HAVCR2: variants seen among roughly 807,000 people sequenced by gnomAD.
HAVCR2 encodes the protein T cell immunoglobulin mucin 3.
In HAVCR2, 13 loss-of-function variants were observed where a neutral mutation model predicts 24.7. The observed-to-expected ratio is 0.53, with a 90% CI of 0.34 to 0.84. HAVCR2 has a LOEUF of 0.84. HAVCR2 is among the 40% of genes least tolerant of loss of function. HAVCR2 has a pLI of 0.01. For synonymous variants in HAVCR2, 154 were observed against 143.4 expected (o/e 1.07, Z -0.53); for missense variants, 343 against 371.2 (o/e 0.92, Z 0.62).
chr5:157,104,788 G>A, intron 2 of HAVCR2, 39 bp from the exon 3 acceptor site: 1 of 1,410,952 alleles, frequency 7.1e-7, no homozygotes, highest in Non-Finnish European at 9.8e-7. Flanking sequence ...AATTATCTGA[G>A]AGCAGAAAGC....
At chr5:157,088,724 A>G (rs1211079347) in intron 6 of HAVCR2, among the ~76,000 whole-genome samples, 1 of 152,238 alleles carries the variant, frequency 6.6e-6, no homozygotes, top group Non-Finnish European at 1.5e-5. Context: ...GATAAATTCT[A>G]TACCTTAACT....
chr5:157,090,059 A>G (rs1334083317), intron 5 of HAVCR2, among the ~76,000 whole-genome samples: 1 of 150,992 alleles, frequency 6.6e-6, no homozygotes, highest in Non-Finnish European at 1.5e-5. Context: ...AGGTCTTTCA[A>G]GGTGTCTTCT....
intron 6 of HAVCR2, among the ~76,000 whole-genome samples, chr5:157,088,517 T>C (rs1368453895): frequency 6.6e-6 from 1 of 151,914 alleles, no homozygotes; most frequent in Non-Finnish European, 1.5e-5. Flanking sequence ...TGGGTGATTC[T>C]AATAGGAAAC....
rs1029209368 is a variant in HAVCR2 at position 157,094,320 on chromosome 5, C to G, written c.676+986G>C. On this transcript the variant is annotated intron_variant, in intron 5 of 6. Coordinates refer to ENST00000307851, the MANE Select transcript of HAVCR2 (RefSeq NM_032782.5). ...TCAGCTTCCGAAAGTGTTGAAAATA[C>G]AGGCATGAGCCACTGCACCTGGCCA... is the stretch of plus-strand genomic sequence containing the variant. Among the ~76,000 whole-genome samples, 7 of 152,162 alleles carry G rather than the reference C, an allele frequency of 4.6e-5. No homozygotes were observed. In the East Asian group the frequency reaches 1.4e-3, roughly 29 times the overall value.
intron 3 of HAVCR2, among the ~76,000 whole-genome samples, chr5:157,101,736 G>T (rs897769508): frequency 1.3e-5 from 2 of 150,990 alleles, no homozygotes; most frequent in African/African-American, 4.9e-5. Flanking sequence ...CAAATTCCAG[G>T]CCCTTGGATC....
chr5:157,103,086 G>A (rs950508399), intron 3 of HAVCR2, among the ~76,000 whole-genome samples: 1 of 152,074 alleles, frequency 6.6e-6, no homozygotes, highest in Non-Finnish European at 1.5e-5. Flanking sequence ...AGTACTGGCC[G>A]GGCGCGGTGG....
intron 1 of HAVCR2, chr5:157,107,447 C>T (rs1414525439): frequency 6.5e-6 from 1 of 154,956 alleles, no homozygotes; most frequent in Non-Finnish European, 1.4e-5. Context: ...ACATACTTCT[C>T]TTTTTAAGCA....
chr5:157,098,691 C>A (rs1009120006), intron 4 of HAVCR2, among the ~76,000 whole-genome samples, 167 bp downstream of exon 4: 1 of 152,132 alleles, frequency 6.6e-6, no homozygotes, highest in Non-Finnish European at 1.5e-5. Context: ...TTACAGCAGG[C>A]CTATGAGGTT....
At chr5:157,108,190 T>C (rs1757279782) in intron 1 of HAVCR2, among the ~76,000 whole-genome samples, 1 of 152,022 alleles carries the variant, frequency 6.6e-6, no homozygotes, top group Non-Finnish European at 1.5e-5. Flanking sequence ...CAAAGGTGTA[T>C]GAAAAAGTGG....
At position 157,106,871 on chromosome 5, in the gene HAVCR2, G is replaced by A. The variant is rs548286366; in HGVS notation, c.150C>T (p.Pro50=). ...GACAGGCTCCTTTGCCCCAGCAGAC[G>A]GGCACGAGGTTCCCTGGGGCGGCTG... ...YTPAAPGNLV[P]VCWGKGACPV... The change falls in exon 2 of 7, where the codon CCC becomes CCT. Residue 50 remains proline, a synonymous_variant. Coordinates refer to ENST00000307851, the MANE Select transcript of HAVCR2 (RefSeq NM_032782.5). 3.8e-5 allele frequency: 62 copies of A among 1,614,140 alleles called. No homozygotes were observed. In the East Asian group the frequency reaches 6.9e-4, roughly 18 times the overall value.
intron 5 of HAVCR2, among the ~76,000 whole-genome samples, chr5:157,090,646 G>A (rs1487939268): frequency 6.6e-6 from 1 of 152,072 alleles, no homozygotes; most frequent in Non-Finnish European, 1.5e-5. Context: ...GCCTCCCGAA[G>A]TGTTAGGATT....
intron 5 of HAVCR2, among the ~76,000 whole-genome samples, chr5:157,089,358 G>A (rs1332265457): frequency 6.6e-6 from 1 of 152,032 alleles, no homozygotes; most frequent in African/African-American, 2.4e-5. Flanking sequence ...CCAACATGGA[G>A]AAACCCCGTC....
At chr5:157,099,537 C>T (rs959214909) in intron 3 of HAVCR2, among the ~76,000 whole-genome samples, 6 of 152,056 alleles carry the variant, frequency 3.9e-5, no homozygotes, top group Admixed American at 6.6e-5. Flanking sequence ...CAGGTGTGAA[C>T]GACCAGGCTT....
chr5:157,094,751 T>C (rs1481076421), intron 5 of HAVCR2, among the ~76,000 whole-genome samples: 2 of 151,292 alleles, frequency 1.3e-5, no homozygotes, highest in Admixed American at 6.6e-5. Context: ...GAAAAAGCTA[T>C]GTGCTAAGTA....
At chr5:157,096,516 C>A in intron 4 of HAVCR2, among the ~76,000 whole-genome samples, 1 of 152,068 alleles carries the variant, frequency 6.6e-6, no homozygotes, top group East Asian at 1.9e-4. Context: ...CGGTGGCTCA[C>A]GCCTGTAGTC....
rs558441888 is a variant in HAVCR2, at chr5:157,095,179, A to G, written c.676+127T>C. The stretch of plus-strand genomic sequence containing the variant: ...ATTAGCCATTATTGTTAGGATTTGG[A>G]TGGACAAAAGGGTATTTAGTCTAAT... On this transcript the variant is annotated intron_variant, in intron 5 of 6. Coordinates refer to ENST00000307851, the MANE Select transcript of HAVCR2 (RefSeq NM_032782.5). 41 of 969,918 alleles carry G rather than the reference A, an allele frequency of 4.2e-5. No homozygotes were observed. In the South Asian group the frequency reaches 6.5e-4, roughly 15 times the overall value. 60.1% of individuals were successfully genotyped at this position (969,918 alleles called of 1,614,324 possible).
intron 3 of HAVCR2, among the ~76,000 whole-genome samples, chr5:157,099,624 C>G (rs978488089): frequency 2.0e-5 from 3 of 150,450 alleles, no homozygotes; most frequent in Non-Finnish European, 4.4e-5. Flanking sequence ...TTTTTTGAGA[C>G]AGTCTCACTC....
At chr5:157,106,020 T>A (rs539864744) in intron 2 of HAVCR2, 26 of 152,558 alleles carry the variant, frequency 1.7e-4, no homozygotes, top group African/African-American at 5.8e-4. Flanking sequence ...CATCTATAGT[T>A]GTTTAAAAAC....
chr5:157,106,287 T>C (rs1343062050), intron 2 of HAVCR2: 1 of 219,588 alleles, frequency 4.6e-6, no homozygotes, highest in Non-Finnish European at 9.1e-6. Context: ...CCCGTAACCA[T>C]GCCTGGCTAA....
Sources: gnomAD v4.1 joint callset for allele counts (sites outside exome capture counted in the v4.1 genomes callset) on GRCh38, gnomAD v4.1.1 for gene constraint, MANE v1.5 for transcripts, NCBI Gene and HGNC (gene_info 2026-07-23, HGNC 2026-07-21) for gene names.